Variants in TJP1 observed in about 807,000 individuals in gnomAD.
TJP1 encodes the protein tight junction protein ZO-1.
TJP1 carries 43 observed loss-of-function variants against 194.2 expected under a neutral mutation model. The ratio of observed to expected loss-of-function variants is 0.22; its 90% CI spans 0.17 to 0.29. TJP1 has a LOEUF of 0.29. Among genes scored for constraint, TJP1 ranks in the 10% least tolerant of loss-of-function variants. The probability of loss-of-function intolerance (pLI) is 1.00; values close to 1 mark genes in which losing one functional copy is unlikely to be tolerated. For synonymous variants in TJP1, 801 were observed against 779.0 expected (o/e 1.03, Z -0.47); for missense variants, 1,971 against 2,185.7 (o/e 0.90, Z 1.96).
chr15:29,799,540 G>A (rs11634662), intron 2 of TJP1, among the ~76,000 whole-genome samples: 10 of 151,096 alleles, frequency 6.6e-5, no homozygotes, highest in South Asian at 2.1e-4. Flanking sequence ...TCAGCCTCCC[G>A]AGTAGCTGGG....
intron 2 of TJP1, among the ~76,000 whole-genome samples, chr15:29,949,420 C>T (rs1344394297): frequency 2.0e-5 from 3 of 146,628 alleles, no homozygotes. Flanking sequence ...CCACCTCTAC[C>T]TCCACAACCA....
chr15:29,787,560 C>A (rs1277150123), intron 2 of TJP1, among the ~76,000 whole-genome samples: 1 of 152,200 alleles, frequency 6.6e-6, no homozygotes, highest in Admixed American at 6.5e-5. Context: ...ACTCTCTATT[C>A]ACCTATTCTG....
Position 29,769,771 on chromosome 15 carries a change from T to G in TJP1, c.312+2293A>C, listed in dbSNP as rs747861260. ...GATGCTGGTGTAAACAAAGCTACTA[T>G]GCTGCCAGTGGAATAGAAGTGTAGC... On this transcript the variant is annotated intron_variant, in intron 4 of 27. Transcript: ENST00000614355. Among the ~76,000 whole-genome samples the G allele has an allele frequency of 1.7e-4, 26 of 152,206 alleles. 1 individual carries two copies. The highest frequency in any genetic ancestry group is 6.3e-4 in the African/African-American group (26 of 41,446).
intron 1 of TJP1, among the ~76,000 whole-genome samples, chr15:29,959,106 C>T (rs2056062324): frequency 6.6e-6 from 1 of 151,942 alleles, no homozygotes; most frequent in Admixed American, 6.6e-5. Flanking sequence ...TCTCCTGCCT[C>T]AGCCTCCCGG....
chr15:29,873,638 T>C (rs1314822439), intron 2 of TJP1, among the ~76,000 whole-genome samples: 1 of 152,248 alleles, frequency 6.6e-6, no homozygotes, highest in Non-Finnish European at 1.5e-5. Flanking sequence ...TATTCTCATC[T>C]GGTAGATTTC....
chr15:29,816,905 G>C (rs543034517), intron 1 of TJP1, among the ~76,000 whole-genome samples: 223 of 152,320 alleles, frequency 1.5e-3, no homozygotes, highest in African/African-American at 5.1e-3. Flanking sequence ...CATGGGCAAA[G>C]ACTTCATGAT....
At chr15:29,859,967 T>C (rs2052011503) in intron 2 of TJP1, among the ~76,000 whole-genome samples, 1 of 151,966 alleles carries the variant, frequency 6.6e-6, no homozygotes, top group Admixed American at 6.6e-5. Flanking sequence ...AAGGAGGCCT[T>C]GTGCTGCTGT....
chr15:29,797,967 T>TGATAC (rs1427298178), intron 2 of TJP1, among the ~76,000 whole-genome samples: 1 of 152,180 alleles, frequency 6.6e-6, no homozygotes, highest in Non-Finnish European at 1.5e-5. Context: ...AAACCACGTG[T>TGATAC]GATACCGCTA....
intron 2 of TJP1, among the ~76,000 whole-genome samples, chr15:29,780,550 G>A (rs540552708): frequency 3.9e-5 from 6 of 152,232 alleles, no homozygotes; most frequent in East Asian, 1.9e-4. Flanking sequence ...CCAAAGATCC[G>A]TACATCTCTG....
chr15:29,806,222 A>G (rs934376560), intron 1 of TJP1, among the ~76,000 whole-genome samples: 2 of 152,168 alleles, frequency 1.3e-5, no homozygotes, highest in African/African-American at 4.8e-5. Context: ...GCTGAAGTCA[A>G]AAGGAAAAGA....
At chr15:29,760,215 A>T (rs968155452) in intron 8 of TJP1, 3 of 702,248 alleles carry the variant, frequency 4.3e-6, no homozygotes, top group Non-Finnish European at 7.8e-6. Context: ...AGTCTCCAGA[A>T]ATTGTATGCA....
chr15:29,931,375 T>C (rs1470206860), intron 2 of TJP1, among the ~76,000 whole-genome samples: 5 of 152,152 alleles, frequency 3.3e-5, no homozygotes, highest in Admixed American at 6.5e-5. Flanking sequence ...CTGTAAGTCA[T>C]GTACAACAGC....
chr15:29,734,301 T>C lies in TJP1; in HGVS notation c.1489A>G (p.Thr497Ala). The change falls in exon 12 of 28, where the codon ACC (threonine) becomes GCC (alanine). Residue 497 changes from threonine (T) to alanine (A), a missense_variant. Around this residue, in one of 5 missense-constraint regions of TJP1, gnomAD observed 402 missense variants for 484.2 expected, o/e 0.83. Transcript: ENST00000614355. Reference protein sequence around the residue: ...LLDLPKGEEVTILAQKKKDVY... With the variant: ...LLDLPKGEEVAILAQKKKDVY... ...TCCTTCTTCTTCTGAGCCAATATGG[T>C]CACTTCTTCTCCTTTAGGGAGGTCA... 1.2e-6 allele frequency: 2 copies of C among 1,611,848 alleles called. No homozygotes were observed.
chr15:29,740,581 G>A (rs976683898), intron 10 of TJP1, among the ~76,000 whole-genome samples: 2 of 151,832 alleles, frequency 1.3e-5, no homozygotes, highest in African/African-American at 2.4e-5. Context: ...GCAGTTAGCC[G>A]AGATTGCACC....
chr15:29,864,521 C>T (rs1183700363), intron 2 of TJP1, among the ~76,000 whole-genome samples: 2 of 152,132 alleles, frequency 1.3e-5, no homozygotes, highest in African/African-American at 4.8e-5. Context: ...TACAGGTTTC[C>T]TACCGTCAAC....
intron 1 of TJP1, among the ~76,000 whole-genome samples, chr15:29,817,679 T>C (rs943314391): frequency 6.6e-6 from 1 of 152,162 alleles, no homozygotes; most frequent in Non-Finnish European, 1.5e-5. Flanking sequence ...TTCATGTCCT[T>C]TGCAGGGACA....
At chr15:29,805,830 T>C (rs1222843955) in intron 1 of TJP1, among the ~76,000 whole-genome samples, 1 of 152,178 alleles carries the variant, frequency 6.6e-6, no homozygotes, top group African/African-American at 2.4e-5. Context: ...CAGCAACGTT[T>C]TGAGTTCATC....
chr15:29,720,344 T>A lies in TJP1; in HGVS notation c.2763+14A>T. 1 of 1,540,892 alleles carries A rather than the reference T, an allele frequency of 6.5e-7. No homozygotes were observed. Among genetic ancestry groups the A allele is most frequent in the South Asian group, 1.3e-5 (1 of 79,048 alleles). On this transcript the variant is annotated intron_variant, in intron 19 of 27. Transcript: ENST00000614355. The stretch of plus-strand genomic sequence containing the variant: ...GCACCTCTATCTACAAAACGTTGAA[T>A]GCTTGCTGCTTACCTGTTGAGAGGC...
At chr15:29,796,509 A>T (rs1226568011) in intron 2 of TJP1, among the ~76,000 whole-genome samples, 1 of 152,158 alleles carries the variant, frequency 6.6e-6, no homozygotes, top group Non-Finnish European at 1.5e-5. Flanking sequence ...ACTACAATAC[A>T]TTAAAGAAAT....
Sources: gnomAD v4.1 joint callset for allele counts (sites outside exome capture counted in the v4.1 genomes callset) on GRCh38, gnomAD v4.1.1 for gene constraint, gnomAD v4.1.1 regional missense constraint, MANE v1.5 for transcripts, NCBI Gene and HGNC (gene_info 2026-07-23, HGNC 2026-07-21) for gene names.